The following CDIP1 variants were observed in gnomAD, a reference collection of about 807,000 sequenced individuals.
CDIP1 encodes cell death inducing p53 target 1, also known as cell death-inducing p53-target protein 1.
In CDIP1, 9 loss-of-function variants were observed where a neutral mutation model predicts 17.7. The ratio of observed to expected loss-of-function variants is 0.51; its 90% CI spans 0.31 to 0.89. The LOEUF (loss-of-function observed/expected upper bound fraction) is 0.89, where lower values mean the gene tolerates loss of function less well. CDIP1 is among the 40% of genes least tolerant of loss of function. CDIP1 has a pLI of 0.05. For synonymous variants in CDIP1, 117 were observed against 109.5 expected (o/e 1.07, Z -0.43); for missense variants, 263 against 277.9 (o/e 0.95, Z 0.38).
chr16:4,535,932 A>C (rs1359249664), intron 1 of CDIP1, among the ~76,000 whole-genome samples: 1 of 152,210 alleles, frequency 6.6e-6, no homozygotes. Context: ...GGATCCTAGA[A>C]AGGGGCACAT....
In CDIP1 at chr16:4,512,547, G is replaced by T. The variant is rs148411586; in HGVS notation, c.*25C>A. Reference sequence around the variant, plus strand: ...AGCACAGGGGGCCAGACTGACAGGCGGGGGAGTCCCGAGTCCCAGCTCCGT... The same window carrying T: ...AGCACAGGGGGCCAGACTGACAGGCTGGGGAGTCCCGAGTCCCAGCTCCGT... On this transcript the variant is annotated 3_prime_UTR_variant, in exon 6 of 6. Coordinates refer to ENST00000567695, the MANE Select transcript of CDIP1 (RefSeq NM_013399.3). This position sits in a 1 kb window ranked among gnomAD's most constrained non-coding sequence, Gnocchi z 4.6. 7 of 1,528,356 alleles carry T rather than the reference G, an allele frequency of 4.6e-6. No individual in the cohort carries two copies. The highest frequency in any genetic ancestry group is 1.4e-5 in the African/African-American group (1 of 73,248). The allele number at this position is 1,528,356 out of a possible 1,614,324, so 94.7% of individuals were successfully genotyped here. A position where few individuals can be genotyped will look rare whatever the true frequency, so the allele number is the denominator to read the frequency against.
chr16:4,533,951 CA>C (rs1430826310), intron 1 of CDIP1, among the ~76,000 whole-genome samples: 1 of 151,964 alleles, frequency 6.6e-6, no homozygotes, highest in Non-Finnish European at 1.5e-5. Flanking sequence ...CCTCCTGTGC[CA>C]TTCTTTTTTG....
At chr16:4,527,682 G>GACAT (rs1328803996) in intron 1 of CDIP1, among the ~76,000 whole-genome samples, 4 of 152,114 alleles carry the variant, frequency 2.6e-5, no homozygotes, top group African/African-American at 2.4e-5. Flanking sequence ...GAGGTAAATG[G>GACAT]ACATGTGAAC....
rs1567412016 is a variant in CDIP1, at chr16:4,513,203, GGGCCAGTGGGA to G, written c.242-150_242-140del. 2.2e-6 allele frequency: 2 copies of G among 891,064 alleles called. No homozygotes were observed. 55.2% of individuals were successfully genotyped at this position (891,064 alleles called of 1,614,324 possible). ...TCAGACCTCCTACCGCCCTCCTAAC[GGGCCAGTGGGA>G]GGCCTTACAGCTGGGGCCCTAAGTC... On this transcript the variant is annotated intron_variant, in intron 4 of 5. Coordinates refer to ENST00000567695, the MANE Select transcript of CDIP1 (RefSeq NM_013399.3). This position sits in a 1 kb window ranked among gnomAD's most constrained non-coding sequence, Gnocchi z 4.1.
At chr16:4,524,479 G>C (rs2058980193) in intron 1 of CDIP1, among the ~76,000 whole-genome samples, 1 of 152,176 alleles carries the variant, frequency 6.6e-6, no homozygotes, top group African/African-American at 2.4e-5. Context: ...AGCTTTCTTA[G>C]AGTGACAAAG....
Position 4,512,513 on chromosome 16 carries a change from A to C in CDIP1, c.*59T>G, listed in dbSNP as rs376775116. 1.5e-5 allele frequency: 19 copies of C among 1,270,596 alleles called. No homozygotes were observed. The highest frequency in any genetic ancestry group is 2.1e-5 in the Non-Finnish European group (18 of 868,894). 78.7% of individuals were successfully genotyped at this position (1,270,596 alleles called of 1,614,324 possible). ...GAGCGGGAAAGTGACCACTGAGCAC[A>C]GGGAGCAAAGCACAGGGGGCCAGAC... On this transcript the variant is annotated 3_prime_UTR_variant, in exon 6 of 6. Coordinates refer to ENST00000567695, the MANE Select transcript of CDIP1 (RefSeq NM_013399.3). This position sits in a 1 kb window ranked among gnomAD's most constrained non-coding sequence, Gnocchi z 4.6.
At chr16:4,537,986 G>T (rs1030877969) in intron 1 of CDIP1, among the ~76,000 whole-genome samples, 2 of 152,216 alleles carry the variant, frequency 1.3e-5, no homozygotes, top group African/African-American at 4.8e-5. Context: ...TGGGCTCCGG[G>T]ACGGCCAAGG....
chr16:4,520,654 A>T (rs1380798727), intron 1 of CDIP1, among the ~76,000 whole-genome samples: 1 of 152,210 alleles, frequency 6.6e-6, no homozygotes, highest in African/African-American at 2.4e-5. Context: ...TGGTATCACT[A>T]CCAATGTCAT....
rs2058862577 is a variant in CDIP1, at chr16:4,514,034, G to C, written c.85+12C>G. On this transcript the variant is annotated intron_variant, in intron 3 of 5. Transcript: ENST00000567695. This position sits in a 1 kb window ranked among gnomAD's most constrained non-coding sequence, Gnocchi z 5.2. ...GCTGCAATATGGAGCCTCAGGAACA[G>C]TGACCCCCTACCTGGGGTGGGCGGG... 1.3e-6 allele frequency: 2 copies of C among 1,488,038 alleles called. No individual in the cohort carries two copies. Among genetic ancestry groups the C allele is most frequent in the South Asian group, 2.6e-5 (2 of 75,592 alleles). The allele number at this position is 1,488,038 out of a possible 1,614,324, so 92.2% of individuals were successfully genotyped here.
intron 1 of CDIP1, among the ~76,000 whole-genome samples, chr16:4,531,620 T>C (rs2059057495): frequency 6.6e-6 from 1 of 152,126 alleles, no homozygotes; most frequent in Admixed American, 6.5e-5. Context: ...TGGCACAGAG[T>C]GGGGAGCAGT....
At chr16:4,537,283 C>A (rs1419180275) in intron 1 of CDIP1, among the ~76,000 whole-genome samples, 1 of 152,132 alleles carries the variant, frequency 6.6e-6, no homozygotes, top group African/African-American at 2.4e-5. Context: ...TGTGGGTGTT[C>A]ACTGTAAAAT....
At chr16:4,520,504 C>G (rs2058934943) in intron 1 of CDIP1, among the ~76,000 whole-genome samples, 1 of 152,274 alleles carries the variant, frequency 6.6e-6, no homozygotes, top group East Asian at 1.9e-4. Flanking sequence ...GTGTACCTTG[C>G]ATTTGGAATG....
intron 1 of CDIP1, among the ~76,000 whole-genome samples, chr16:4,528,683 C>A (rs77748604): frequency 5.8e-3 from 296 of 50,770 alleles, no homozygotes; most frequent in South Asian, 0.014. Flanking sequence ...AACCCTGTCT[C>A]AAAAAAAAAA....
rs2058841586 is a variant in CDIP1, at chr16:4,512,526, C to A, written c.*46G>T. ...ACCACTGAGCACAGGGAGCAAAGCA[C>A]AGGGGGCCAGACTGACAGGCGGGGG... On this transcript the variant is annotated 3_prime_UTR_variant, in exon 6 of 6. Transcript: ENST00000567695. The surrounding 1 kb of genome is among the most constrained non-coding windows in gnomAD (Gnocchi z 4.6). 2.1e-6 allele frequency: 3 copies of A among 1,407,170 alleles called. No homozygotes were observed. The highest frequency in any genetic ancestry group is 3.0e-6 in the Non-Finnish European group (3 of 992,366). 87.2% of individuals were successfully genotyped at this position (1,407,170 alleles called of 1,614,324 possible).
chr16:4,536,355 G>C (rs1238829638), intron 1 of CDIP1: 2 of 152,144 alleles, frequency 1.3e-5, no homozygotes, highest in Non-Finnish European at 2.9e-5. Context: ...TCAACACCAT[G>C]AGCTAAATTG....
At chr16:4,535,287 G>T (rs896310027) in intron 1 of CDIP1, among the ~76,000 whole-genome samples, 1 of 152,110 alleles carries the variant, frequency 6.6e-6, no homozygotes, top group Admixed American at 6.6e-5. Flanking sequence ...AGTAAGAATC[G>T]ATGGTACTGA....
chr16:4,528,124 T>C (rs1227726729), intron 1 of CDIP1, among the ~76,000 whole-genome samples: 4 of 152,224 alleles, frequency 2.6e-5, no homozygotes, highest in Non-Finnish European at 4.4e-5. Context: ...GCCAATGATA[T>C]AGATTTTTAT....
At chr16:4,526,580 G>C (rs977474033) in intron 1 of CDIP1, among the ~76,000 whole-genome samples, 1 of 148,380 alleles carries the variant, frequency 6.7e-6, no homozygotes, top group African/African-American at 2.5e-5. Flanking sequence ...GGCGCCTGCA[G>C]TCCCATCTAC....
Position 4,534,344 on chromosome 16 carries a change from TA to T in CDIP1, c.-105+4357del, listed in dbSNP as rs1277019643. ...TCCACTGCGTCCTCAGGAAAGTACTTACGTTCACAGCCAAATATCCAGACAG... is the reference window on the plus strand; with the variant it reads ...TCCACTGCGTCCTCAGGAAAGTACTTCGTTCACAGCCAAATATCCAGACAG... On this transcript the variant is annotated intron_variant, in intron 1 of 5. Coordinates refer to ENST00000567695, the MANE Select transcript of CDIP1 (RefSeq NM_013399.3). Among the ~76,000 whole-genome samples, 6 of 152,294 alleles carry T rather than the reference TA, an allele frequency of 3.9e-5. No individual in the cohort carries two copies. In the East Asian group the frequency reaches 7.7e-4, roughly 20 times the overall value.
Sources: allele counts gnomAD v4.1 joint callset (sites outside exome capture counted in the v4.1 genomes callset), GRCh38; gene constraint gnomAD v4.1.1; non-coding constraint Gnocchi (gnomAD v3.1); transcripts MANE v1.5; gene names NCBI Gene and HGNC (gene_info 2026-07-23, HGNC 2026-07-21).